The following TMEM156 variants were observed in gnomAD, a reference collection of about 807,000 sequenced individuals.
The protein encoded by TMEM156 is transmembrane protein 156.
A neutral mutation model predicts 30.5 loss-of-function variants in TMEM156; 28 were observed. That is an observed-to-expected ratio of 0.92 (90% confidence interval 0.68 to 1.26). TMEM156 has a LOEUF of 1.26. TMEM156 is among the 50% of genes most tolerant of loss of function. The probability of loss-of-function intolerance (pLI) is 0.00; values close to 1 mark genes in which losing one functional copy is unlikely to be tolerated. For missense variants in TMEM156, 351 were observed against 340.6 expected, an observed-to-expected ratio of 1.03 and a Z score of -0.24; for synonymous variants, 137 against 119.9, an observed-to-expected ratio of 1.14 and a Z score of -0.93.
At chr4:39,002,890 G>C (rs1283944006) in intron 1 of TMEM156, among the ~76,000 whole-genome samples, 5 of 151,936 alleles carry the variant, frequency 3.3e-5, no homozygotes, top group African/African-American at 1.2e-4. Flanking sequence ...GTTGTGGGGG[G>C]GTGGACGGGG....
rs5857661 is a variant in TMEM156 at position 39,003,652 on chromosome 4, TAA to T, written c.89-4745_89-4744del. Among the ~76,000 whole-genome samples the T allele has an allele frequency of 5.5e-3, 840 of 151,638 alleles. 20 individuals carry two copies. The highest frequency in any genetic ancestry group is 0.051 in the Admixed American group (770 of 15,208). On this transcript the variant is annotated intron_variant, in intron 1 of 6. Coordinates refer to ENST00000381938, the MANE Select transcript of TMEM156 (RefSeq NM_024943.3). ...AGTTGTAATCAGATTGTAACTACAA[TAA>T]AAAAAAATTGCCTTCACTAATAATG...
intron 1 of TMEM156, among the ~76,000 whole-genome samples, chr4:39,025,923 G>A (rs1170807480): frequency 1.3e-5 from 2 of 152,240 alleles, no homozygotes; most frequent in Non-Finnish European, 2.9e-5. Context: ...AACGTCAGAT[G>A]AGAAATGCCT....
intron 1 of TMEM156, among the ~76,000 whole-genome samples, chr4:39,031,719 A>G (rs1715512354): frequency 6.6e-6 from 1 of 151,874 alleles, no homozygotes; most frequent in African/African-American, 2.4e-5. Context: ...CCGTGTCTCT[A>G]CTAAAAATAC....
At position 38,970,872 on chromosome 4, in the gene TMEM156, G is replaced by A. The variant is rs73137749; in HGVS notation, c.*38+160C>T. ...TCCTTCCTAGATCTTAGAGAAAATA[G>A]TCATTTTATTTCATGTCATCTAATT... On this transcript the variant is annotated intron_variant, in intron 6 of 6. Coordinates refer to ENST00000381938, the MANE Select transcript of TMEM156 (RefSeq NM_024943.3). Among the ~76,000 whole-genome samples the A allele has an allele frequency of 9.7e-3, 1,482 of 152,290 alleles. 23 individuals carry two copies. Among genetic ancestry groups the A allele is most frequent in the African/African-American group, 0.034 (1,416 of 41,564 alleles).
rs148139799 is a variant in TMEM156 at position 38,973,125 on chromosome 4, C to T, written c.824-1988G>A. Among the ~76,000 whole-genome samples the T allele has an allele frequency of 9.1e-4, 138 of 152,234 alleles. 1 individual carries two copies. Among genetic ancestry groups the T allele is most frequent in the Middle Eastern group, 6.8e-3 (2 of 294 alleles). On this transcript the variant is annotated intron_variant, in intron 5 of 6. Transcript: ENST00000381938. ...GATTAAGTTAACTTGTTGTCCTAAA[C>T]GATTATTCAGTCATCCCAATACCAG...
intron 1 of TMEM156, among the ~76,000 whole-genome samples, chr4:39,020,934 C>T (rs1714825352): frequency 6.6e-6 from 1 of 152,094 alleles, no homozygotes; most frequent in African/African-American, 2.4e-5. Context: ...ACAAGGGTTC[C>T]CTTTTCTCCA....
chr4:38,998,759 A>C lies in TMEM156; in HGVS notation c.239T>G (p.Phe80Cys). Residue 80 changes from phenylalanine to cysteine, a missense_variant, in exon 2 of 7, where the codon TTT becomes TGT. Transcript: ENST00000381938. Reference sequence around the variant, plus strand: ...TTGGCAAGTCCTGGTGAAGTTACGAAAATTGGAGGGATTTAGAAAGATTCT... The same window carrying C: ...TTGGCAAGTCCTGGTGAAGTTACGACAATTGGAGGGATTTAGAAAGATTCT... ...IMRIFLNPSN[F>C]RNFTRTCQDI... 1 of 1,613,900 alleles carries C rather than the reference A, an allele frequency of 6.2e-7. No homozygotes were observed. The highest frequency in any genetic ancestry group is 8.5e-7 in the Non-Finnish European group (1 of 1,179,934).
At chr4:39,009,006 G>T (rs1713930134) in intron 1 of TMEM156, among the ~76,000 whole-genome samples, 2 of 151,954 alleles carry the variant, frequency 1.3e-5, no homozygotes, top group East Asian at 3.9e-4. Context: ...TTAATAAACT[G>T]CTACCTAGAT....
intron 3 of TMEM156, 118 bp from the exon 4 acceptor site, chr4:38,989,088 A>G: frequency 1.0e-6 from 1 of 1,002,246 alleles, no homozygotes. Flanking sequence ...AGCTGAAATT[A>G]TGACCATCAC....
At chr4:38,983,092 G>A (rs1711706187) in intron 5 of TMEM156, among the ~76,000 whole-genome samples, 2 of 152,138 alleles carry the variant, frequency 1.3e-5, no homozygotes, top group Non-Finnish European at 2.9e-5. Flanking sequence ...GCAGTTCAGA[G>A]GGGGGTGACA....
chr4:39,010,831 A>G (rs1714062323), intron 1 of TMEM156, among the ~76,000 whole-genome samples: 2 of 152,238 alleles, frequency 1.3e-5, no homozygotes, highest in South Asian at 4.1e-4. Context: ...CCTAGGAAAT[A>G]CTTTTCTAGA....
At chr4:39,007,729 T>C (rs1257559963) in intron 1 of TMEM156, among the ~76,000 whole-genome samples, 1 of 152,192 alleles carries the variant, frequency 6.6e-6, no homozygotes, top group African/African-American at 2.4e-5. Flanking sequence ...AGTGCTGAGA[T>C]TACAGGCATG....
At chr4:39,000,682 T>G (rs1713277883) in intron 1 of TMEM156, among the ~76,000 whole-genome samples, 1 of 151,424 alleles carries the variant, frequency 6.6e-6, no homozygotes. Context: ...AGGTCAGGAG[T>G]TCGAGACCAG....
chr4:38,994,699 G>T (rs1712798775), intron 2 of TMEM156, among the ~76,000 whole-genome samples: 1 of 152,200 alleles, frequency 6.6e-6, no homozygotes, highest in African/African-American at 2.4e-5. Context: ...TGTAATCCTA[G>T]CCCTTTAGGA....
intron 1 of TMEM156, among the ~76,000 whole-genome samples, chr4:39,024,054 GA>G (rs1187076895): frequency 6.6e-6 from 1 of 151,996 alleles, no homozygotes; most frequent in African/African-American, 2.4e-5. Context: ...TTTGTTTTTT[GA>G]GATGGAGTCT....
chr4:39,008,057 T>C (rs1713861659), intron 1 of TMEM156, among the ~76,000 whole-genome samples: 1 of 152,194 alleles, frequency 6.6e-6, no homozygotes, highest in South Asian at 2.1e-4. Flanking sequence ...CAAATATGCA[T>C]ATTGACTGCA....
At chr4:38,993,468 A>T (rs890353586) in intron 3 of TMEM156, among the ~76,000 whole-genome samples, 4 of 152,096 alleles carry the variant, frequency 2.6e-5, no homozygotes, top group Non-Finnish European at 5.9e-5. Context: ...CAATAAAAAA[A>T]AATTATTCTG....
At chr4:39,027,690 G>A (rs1190908860) in intron 1 of TMEM156, among the ~76,000 whole-genome samples, 3 of 151,082 alleles carry the variant, frequency 2.0e-5, no homozygotes, top group Non-Finnish European at 4.4e-5. Context: ...AGAGTAGCTG[G>A]GATTACAGGC....
chr4:38,990,830 G>GTTTTTTTTTTTTTTT (rs71304784), intron 3 of TMEM156, among the ~76,000 whole-genome samples: 16 of 81,210 alleles, frequency 2.0e-4, no homozygotes, highest in East Asian at 1.8e-3. Flanking sequence ...TTGTTTTCTG[G>GTTTTTTTTTTTTTTT]TTTTTTTTTT....
Sources: allele counts gnomAD v4.1 joint callset (sites outside exome capture counted in the v4.1 genomes callset), GRCh38; gene constraint gnomAD v4.1.1; transcripts MANE v1.5; gene names NCBI Gene and HGNC (gene_info 2026-07-23, HGNC 2026-07-21).